GRM1: variants seen among roughly 807,000 people sequenced by gnomAD.
GRM1 encodes metabotropic glutamate receptor 1.
GRM1 carries 33 observed loss-of-function variants against 90.9 expected under a neutral mutation model. The observed-to-expected ratio is 0.36, with a 90% CI of 0.28 to 0.49. GRM1 has a LOEUF of 0.49. Ranked by LOEUF, GRM1 falls within the 20% of genes least tolerant of loss-of-function variation. The pLI is 0.99. For missense variants in GRM1, 1,190 were observed against 1,534.3 expected (o/e 0.78, Z 3.75); for synonymous variants, 700 against 613.2 (o/e 1.14, Z -2.09).
At chr6:146,273,294 T>A (rs1782236860) in intron 2 of GRM1, among the ~76,000 whole-genome samples, 1 of 152,102 alleles carries the variant, frequency 6.6e-6, no homozygotes, top group South Asian at 2.1e-4. Context: ...ACCCTTCAGC[T>A]GATGGTTTGA....
At chr6:146,151,738 G>A (rs956639967) in intron 1 of GRM1, among the ~76,000 whole-genome samples, 4 of 152,024 alleles carry the variant, frequency 2.6e-5, no homozygotes, top group Non-Finnish European at 4.4e-5. Flanking sequence ...TCTCTCCTGA[G>A]ATCCCATTTT....
At chr6:146,047,079 T>G (rs1791359520) in intron 1 of GRM1, among the ~76,000 whole-genome samples, 1 of 151,954 alleles carries the variant, frequency 6.6e-6, no homozygotes, top group African/African-American at 2.4e-5. Context: ...GTGGTTTAAT[T>G]CATCTGGAGC....
At chr6:146,110,740 G>C (rs1335068540) in intron 1 of GRM1, among the ~76,000 whole-genome samples, 1 of 152,042 alleles carries the variant, frequency 6.6e-6, no homozygotes, top group Non-Finnish European at 1.5e-5. Context: ...TTTCCTCATA[G>C]GCTGTTTTGT....
chr6:146,154,310 T>C (rs556731472), intron 1 of GRM1, among the ~76,000 whole-genome samples: 3 of 152,326 alleles, frequency 2.0e-5, no homozygotes, highest in Non-Finnish European at 2.9e-5. Flanking sequence ...ACCTTGCAGA[T>C]TCCTGAACCT....
chr6:146,143,014 G>A (rs1443597230), intron 1 of GRM1, among the ~76,000 whole-genome samples: 3 of 152,116 alleles, frequency 2.0e-5, no homozygotes, highest in Non-Finnish European at 4.4e-5. Flanking sequence ...CACACCCGAA[G>A]CCAGCACATC....
intron 1 of GRM1, among the ~76,000 whole-genome samples, chr6:146,133,431 G>A (rs747640611): frequency 2.2e-4 from 33 of 152,172 alleles, no homozygotes; most frequent in Non-Finnish European, 3.8e-4. Flanking sequence ...AAGGACAGGG[G>A]AAAAGATATG....
intron 1 of GRM1, among the ~76,000 whole-genome samples, chr6:146,124,614 A>G (rs1224812687): frequency 2.6e-5 from 4 of 152,188 alleles, no homozygotes; most frequent in Admixed American, 2.0e-4. Context: ...TCTGTGGCAT[A>G]AGAATTGGTT....
At chr6:146,045,539 G>GC (rs1582921491) in intron 1 of GRM1, among the ~76,000 whole-genome samples, 1 of 151,860 alleles carries the variant, frequency 6.6e-6, no homozygotes, top group East Asian at 1.9e-4. Flanking sequence ...TGCCTTTTCT[G>GC]CCTTAGTAAG....
In GRM1 at chr6:146,134,080, A is replaced by T. The variant is rs80022283; in HGVS notation, c.701-25268A>T. The stretch of plus-strand genomic sequence containing the variant: ...CTTGCCCAGTGTTCCACACAGGCAC[A>T]GTGTGTCACCCCTCCCTGTGGTCTA... On this transcript the variant is annotated intron_variant, in intron 1 of 7. Coordinates refer to ENST00000282753, the MANE Select transcript of GRM1 (RefSeq NM_001278064.2). Among the ~76,000 whole-genome samples the T allele has an allele frequency of 3.4e-3, 520 of 152,330 alleles. 4 individuals carry two copies. The highest frequency in any genetic ancestry group is 0.012 in the African/African-American group (488 of 41,578).
chr6:146,188,875 T>C (rs1346135151), intron 2 of GRM1, among the ~76,000 whole-genome samples: 2 of 152,218 alleles, frequency 1.3e-5, no homozygotes, highest in Non-Finnish European at 2.9e-5. Flanking sequence ...CACATTTCTC[T>C]TTTCCCTGGC....
In GRM1 at chr6:146,293,083, TA is replaced by T. The variant is rs552088760; in HGVS notation, c.951-11522del. ...TCCAGAATAGGTAAATCTATAGAGA[TA>T]AAAAAGTGACTTGATTGCCAGGGAC... On this transcript the variant is annotated intron_variant, in intron 2 of 7. Transcript: ENST00000282753. 1.5e-4 allele frequency among the ~76,000 whole-genome samples: 23 copies of T among 152,036 alleles called. No individual in the cohort carries two copies. The South Asian group carries it at 4.8e-3, about 32-fold the overall frequency.
intron 2 of GRM1, among the ~76,000 whole-genome samples, chr6:146,194,608 C>A (rs1779053681): frequency 1.3e-5 from 2 of 152,210 alleles, no homozygotes; most frequent in Non-Finnish European, 2.9e-5. Flanking sequence ...CCAACACATG[C>A]ACTAACATTC....
At chr6:146,328,928 C>T (rs956783210) in intron 3 of GRM1, among the ~76,000 whole-genome samples, 2 of 152,178 alleles carry the variant, frequency 1.3e-5, no homozygotes, top group African/African-American at 2.4e-5. Flanking sequence ...ATCCTTCATC[C>T]TCAATAGGGC....
chr6:146,138,996 G>T (rs1351918800), intron 1 of GRM1, among the ~76,000 whole-genome samples: 1 of 150,456 alleles, frequency 6.6e-6, no homozygotes, highest in Admixed American at 6.6e-5. Context: ...TGCTTTTGTT[G>T]TATCCCATAG....
At chr6:146,220,700 T>C (rs924148068) in intron 2 of GRM1, among the ~76,000 whole-genome samples, 2 of 152,072 alleles carry the variant, frequency 1.3e-5, no homozygotes, top group African/African-American at 4.8e-5. Flanking sequence ...CCATGTGCCA[T>C]AAGCTGGGAA....
chr6:146,387,111 A>G, intron 6 of GRM1, 95 bp downstream of exon 6: 1 of 1,197,326 alleles, frequency 8.4e-7, no homozygotes, highest in Non-Finnish European at 1.2e-6. Flanking sequence ...ATGTCTTCTC[A>G]ATGTTAATTT....
At chr6:146,287,206 C>A (rs892351915) in intron 2 of GRM1, among the ~76,000 whole-genome samples, 3 of 152,150 alleles carry the variant, frequency 2.0e-5, no homozygotes, top group African/African-American at 7.2e-5. Flanking sequence ...GGTTTAGAGA[C>A]TCTTCCCATA....
chr6:146,103,481 T>A (rs993722490), intron 1 of GRM1, among the ~76,000 whole-genome samples: 1 of 152,334 alleles, frequency 6.6e-6, no homozygotes, highest in Admixed American at 6.5e-5. Context: ...GTTGAGACTG[T>A]CACAGCTTGA....
chr6:146,126,634 A>G (rs1161597852), intron 1 of GRM1, among the ~76,000 whole-genome samples: 1 of 152,138 alleles, frequency 6.6e-6, no homozygotes, highest in African/African-American at 2.4e-5. Flanking sequence ...GTTGTATCAT[A>G]TCATTGTAAT....
Sources: allele counts gnomAD v4.1 joint callset (sites outside exome capture counted in the v4.1 genomes callset), GRCh38; gene constraint gnomAD v4.1.1; transcripts MANE v1.5; gene names NCBI Gene and HGNC (gene_info 2026-07-23, HGNC 2026-07-21).